NPAP1: variants seen among roughly 807,000 people sequenced by gnomAD.
NPAP1 encodes the protein nuclear pore associated protein 1, also known as nuclear pore-associated protein 1.
For synonymous variants in NPAP1, 616 were observed against 581.4 expected (o/e 1.06, Z -0.86); for missense variants, 1,483 against 1,454.5 (o/e 1.02, Z -0.32).
rs1164012118 is a variant in NPAP1 at position 24,676,071 on chromosome 15, T to G, written c.204T>G (p.Pro68=). Residue 68 remains proline (P), a synonymous_variant, in exon 1 of 1, where the codon CCT becomes CCG. Coordinates refer to ENST00000329468, the MANE Select transcript of NPAP1 (RefSeq NM_018958.3). The stretch of plus-strand genomic sequence containing the variant: ...CAGCAGCCAGCATCTTCGTCGCCCC[T>G]AAGAGGCCGTGTCCTCTCCCTCGGG... ...RPSAASIFVA[P]KRPCPLPRAA... 1 of 1,574,302 alleles carries G rather than the reference T, an allele frequency of 6.4e-7. No homozygotes were observed. The highest frequency in any genetic ancestry group is 1.4e-5 in the African/African-American group (1 of 72,982).
Position 24,676,639 on chromosome 15 carries a change from G to C in NPAP1, c.772G>C (p.Asp258His), listed in dbSNP as rs1210246444. 5.0e-6 allele frequency: 8 copies of C among 1,613,852 alleles called. No individual in the cohort carries two copies. The highest frequency in any genetic ancestry group is 2.7e-5 in the African/African-American group (2 of 74,938). ...CCGGCATCTTGGAAAGCCTGATCCG[G>C]ATGCAACAGCGCCCCCTGAGCCAGC... ...CARHLGKPDP[D>H]ATAPPEPAVG... Residue 258 changes from aspartate to histidine, a missense_variant, in exon 1 of 1, where the codon GAT becomes CAT. Transcript: ENST00000329468.
At position 24,677,671 on chromosome 15, in the gene NPAP1, A is replaced by G. The variant is rs370648489; in HGVS notation, c.1804A>G (p.Asn602Asp). ...AAGCTCCAGAGTGAGCTCTCTCCCA[A>G]ATTCCCAAATACATTGCAGTGCAGA... is the stretch of plus-strand genomic sequence containing the variant. Reference protein sequence around the residue: ...SLSSRVSSLPNSQIHCSAEQR... With the variant: ...SLSSRVSSLPDSQIHCSAEQR... The change falls in exon 1 of 1, where the codon AAT becomes GAT. Residue 602 changes from asparagine to aspartate, a missense_variant. By Grantham distance (23) the Asn-to-Asp change is conservative (BLOSUM62 1). Transcript: ENST00000329468. 49 of 1,614,110 alleles carry G rather than the reference A, an allele frequency of 3.0e-5. 2 individuals carry two copies. The Middle Eastern group carries it at 4.6e-3, about 152-fold the overall frequency.
In NPAP1 at chr15:24,680,177, G is replaced by T; in HGVS notation, c.*839G>T. The stretch of plus-strand genomic sequence containing the variant: ...CACCTGGCTATTTTTTATAATTTTA[G>T]CAGAGACAGAGTTCCACCTTATTGG... On this transcript the variant is annotated 3_prime_UTR_variant, in exon 1 of 1. Coordinates refer to ENST00000329468, the MANE Select transcript of NPAP1 (RefSeq NM_018958.3). 1 of 159,252 alleles carries T rather than the reference G, an allele frequency of 6.3e-6. No homozygotes were observed. Among genetic ancestry groups the T allele is most frequent in the Non-Finnish European group, 1.5e-5 (1 of 68,348 alleles). The allele number at this position is 159,252 out of a possible 1,614,324, so 9.9% of individuals were successfully genotyped here.
chr15:24,675,948 C>T lies in NPAP1; in HGVS notation c.81C>T (p.Pro27=). The part of the protein sequence containing the change: ...LPGPGRGAPA[P]LSRDASPPGR... Reference sequence around the variant, plus strand: ...GGCCAGGGCGTGGCGCCCCCGCTCCCCTGTCCCGGGACGCCTCCCCGCCCG... The same window carrying T: ...GGCCAGGGCGTGGCGCCCCCGCTCCTCTGTCCCGGGACGCCTCCCCGCCCG... The change falls in exon 1 of 1, where the codon CCC becomes CCT. Residue 27 remains proline, a synonymous_variant. Transcript: ENST00000329468. 6.3e-7 allele frequency: 1 copy of T among 1,590,822 alleles called. No individual in the cohort carries two copies. The highest frequency in any genetic ancestry group is 8.5e-7 in the Non-Finnish European group (1 of 1,170,654).
At position 24,677,467 on chromosome 15, in the gene NPAP1, C is replaced by G. The variant is rs1260044192; in HGVS notation, c.1600C>G (p.Pro534Ala). 6.2e-7 allele frequency: 1 copy of G among 1,614,178 alleles called. No homozygotes were observed. The highest frequency in any genetic ancestry group is 8.5e-7 in the Non-Finnish European group (1 of 1,180,040). ...TCCTCTTTCCTTCCTGACTCTTCTTCCAGTCCCTTCCACCGGGACCTCAGT... is the reference window on the plus strand; with the variant it reads ...TCCTCTTTCCTTCCTGACTCTTCTTGCAGTCCCTTCCACCGGGACCTCAGT... ...PPPLSFLTLL[P>A]VPSTGTSVIT... is the part of the protein sequence containing the mutation. The change falls in exon 1 of 1, where the codon CCA (proline) becomes GCA (alanine). Residue 534 changes from proline to alanine, a missense_variant. Coordinates refer to ENST00000329468, the MANE Select transcript of NPAP1 (RefSeq NM_018958.3).
rs3784246 is a variant in NPAP1, at chr15:24,676,502, T to C, written c.635T>C (p.Val212Ala). 0.08 allele frequency: 129,286 copies of C among 1,613,914 alleles called. 5,761 individuals are homozygous for C. The highest frequency in any genetic ancestry group is 0.16 in the Admixed American group (9,546 of 59,972). ...AGCCCTGGGCCTCTGGAGGGAAATG[T>C]CTACCACAAGTTCTCAGAAAACAGC... ...RCSPGPLEGN[V>A]YHKFSENSMS... The change falls in exon 1 of 1, where the codon GTC becomes GCC. Residue 212 changes from valine (V) to alanine (A), a missense_variant. Transcript: ENST00000329468.
chr15:24,675,864 C>G lies in NPAP1; in HGVS notation c.-4C>G. On this transcript the variant is annotated 5_prime_UTR_variant, in exon 1 of 1. Coordinates refer to ENST00000329468, the MANE Select transcript of NPAP1 (RefSeq NM_018958.3). ...TTTACGGTAGGAGGCACGGCTAGCTCTAAATGGGCAATTTACTTAGTAAAT... is the reference window on the plus strand; with the variant it reads ...TTTACGGTAGGAGGCACGGCTAGCTGTAAATGGGCAATTTACTTAGTAAAT... 6.5e-7 allele frequency: 1 copy of G among 1,547,788 alleles called. No homozygotes were observed. The highest frequency in any genetic ancestry group is 8.7e-7 in the Non-Finnish European group (1 of 1,151,238).
In NPAP1 at chr15:24,681,379, T is replaced by TGATA. The variant is rs139405338; in HGVS notation, c.*2061_*2064dup. On this transcript the variant is annotated 3_prime_UTR_variant, in exon 1 of 1. Coordinates refer to ENST00000329468, the MANE Select transcript of NPAP1 (RefSeq NM_018958.3). ...TGGATAGACGGATGGATAGATTAGA[T>TGATA]GATAGATAGATAGATAGATAGATGA... 0.025 allele frequency: 4,162 copies of TGATA among 165,220 alleles called. 179 individuals carry two copies. Among genetic ancestry groups the TGATA allele is most frequent in the African/African-American group, 0.093 (3,827 of 41,338 alleles). 10.2% of individuals were successfully genotyped at this position (165,220 alleles called of 1,614,324 possible).
chr15:24,676,140 G>A lies in NPAP1; in HGVS notation c.273G>A (p.Gly91=), dbSNP rs2141307344. 2 of 1,575,300 alleles carry A rather than the reference G, an allele frequency of 1.3e-6. No homozygotes were observed. The highest frequency in any genetic ancestry group is 1.7e-6 in the Non-Finnish European group (2 of 1,162,888). The change falls in exon 1 of 1, where the codon GGG becomes GGA. Residue 91 remains glycine (G), a synonymous_variant. Coordinates refer to ENST00000329468, the MANE Select transcript of NPAP1 (RefSeq NM_018958.3). ...PLGVLPAVGW[G]LAIRKTPMLP... ...GGGTCCTGCCGGCTGTGGGTTGGGG[G>A]CTGGCCATCAGGAAGACACCCATGC...
chr15:24,678,197 C>G lies in NPAP1; in HGVS notation c.2330C>G (p.Pro777Arg). ...ACCCCTCAACCCAAATTTGGGGCCC[C>G]TGATGGGCCGCAGCAGAAAACCTCT... ...GATPQPKFGA[P>R]DGPQQKTSLP... Residue 777 changes from proline to arginine, a missense_variant, in exon 1 of 1, where the codon CCT becomes CGT. By Grantham distance (103) the Pro-to-Arg change is moderately radical (BLOSUM62 -2). Transcript: ENST00000329468. 3.1e-6 allele frequency: 5 copies of G among 1,613,646 alleles called. No homozygotes were observed. Among genetic ancestry groups the G allele is most frequent in the Non-Finnish European group, 4.2e-6 (5 of 1,179,948 alleles).
In NPAP1 at chr15:24,680,790, G is replaced by A. The variant is rs1400701597; in HGVS notation, c.*1452G>A. ...TCATGGACAGAAAGGCAAAATTCCCGACTTTGTGGACCCTATATTCTAGTT... is the reference window on the plus strand; with the variant it reads ...TCATGGACAGAAAGGCAAAATTCCCAACTTTGTGGACCCTATATTCTAGTT... On this transcript the variant is annotated 3_prime_UTR_variant, in exon 1 of 1. Coordinates refer to ENST00000329468, the MANE Select transcript of NPAP1 (RefSeq NM_018958.3). 5 of 167,020 alleles carry A rather than the reference G, an allele frequency of 3.0e-5. No homozygotes were observed. The East Asian group carries it at 5.8e-4, about 19-fold the overall frequency. The allele number at this position is 167,020 out of a possible 1,614,324, so 10.3% of individuals were successfully genotyped here.
At position 24,676,756 on chromosome 15, in the gene NPAP1, A is replaced by G. The variant is rs2141308722; in HGVS notation, c.889A>G (p.Met297Val). ...CTCCCTAGGCTTGCCGATTCCGCTG[A>G]TGTCCGGAAAGAGGATGCCTGATGA... ...PSSLGLPIPL[M>V]SGKRMPDEKP... Residue 297 changes from methionine to valine, a missense_variant, in exon 1 of 1, where the codon ATG becomes GTG. By Grantham distance (21) the Met-to-Val change is conservative. Transcript: ENST00000329468. The G allele has an allele frequency of 6.2e-7, 1 of 1,613,870 alleles. No homozygotes were observed. Among genetic ancestry groups the G allele is most frequent in the Non-Finnish European group, 8.5e-7 (1 of 1,180,026 alleles).
rs766109530 is a variant in NPAP1 at position 24,678,427 on chromosome 15, C to T, written c.2560C>T (p.Leu854Phe). Residue 854 changes from leucine (L) to phenylalanine (F), a missense_variant, in exon 1 of 1, where the codon CTT (leucine) becomes TTT (phenylalanine). Physicochemically the swap from Leu to Phe is conservative, Grantham distance 22. Coordinates refer to ENST00000329468, the MANE Select transcript of NPAP1 (RefSeq NM_018958.3). ...GGAGTACATCCGATTTTATATGGGG[C>T]TTCCTGGTTCTGGGAACACACTACA... The part of the protein sequence containing the change: ...KEEYIRFYMG[L>F]PGSGNTLHSD... The T allele has an allele frequency of 2.5e-6, 4 of 1,614,136 alleles. No homozygotes were observed. The highest frequency in any genetic ancestry group is 1.7e-5 in the Admixed American group (1 of 60,020).
Position 24,676,806 on chromosome 15 carries a change from G to A in NPAP1, c.939G>A (p.Arg313=), listed in dbSNP as rs1210950506. The stretch of plus-strand genomic sequence containing the variant: ...AGAAGCCTTTCTGTATTCCTCCAAG[G>A]AGCGCTGCTCCTCCCAGAGCTGCCC... The part of the protein sequence containing the change: ...PDEKPFCIPP[R]SAAPPRAARN... Residue 313 remains arginine (R), a synonymous_variant, in exon 1 of 1, where the codon AGG becomes AGA. Coordinates refer to ENST00000329468, the MANE Select transcript of NPAP1 (RefSeq NM_018958.3). 3.7e-6 allele frequency: 6 copies of A among 1,612,974 alleles called. No individual in the cohort carries two copies. The highest frequency in any genetic ancestry group is 5.1e-6 in the Non-Finnish European group (6 of 1,179,992).
rs2049027728 is a variant in NPAP1, at chr15:24,683,123, GTTTT to G, written c.*3787_*3790del. On this transcript the variant is annotated 3_prime_UTR_variant, in exon 1 of 1. Coordinates refer to ENST00000329468, the MANE Select transcript of NPAP1 (RefSeq NM_018958.3). Reference sequence around the variant, plus strand: ...CTGTTCCTCTTCCTTATTTAGAAGTGTTTTTACCTTTCTCAGCATTCCACAAGTT... The same window carrying G: ...CTGTTCCTCTTCCTTATTTAGAAGTGTACCTTTCTCAGCATTCCACAAGTT... 5.3e-6 allele frequency: 1 copy of G among 189,524 alleles called. No homozygotes were observed. 11.7% of individuals were successfully genotyped at this position (189,524 alleles called of 1,614,324 possible). A position where few individuals can be genotyped will look rare whatever the true frequency, so the allele number is the denominator to read the frequency against.
rs2141307175 is a variant in NPAP1 at position 24,676,057 on chromosome 15, A to T, written c.190A>T (p.Ile64Phe). The T allele has an allele frequency of 1.9e-6, 3 of 1,583,610 alleles. No homozygotes were observed. The highest frequency in any genetic ancestry group is 2.6e-6 in the Non-Finnish European group (3 of 1,167,686). The change falls in exon 1 of 1, where the codon ATC becomes TTC. Residue 64 changes from isoleucine (I) to phenylalanine (F), a missense_variant. Ile to Phe is a conservative substitution (Grantham distance 21, BLOSUM62 0). Coordinates refer to ENST00000329468, the MANE Select transcript of NPAP1 (RefSeq NM_018958.3). ...NARRRPSAAS[I>F]FVAPKRPCPL... ...CCGTCGCAGGCCTTCAGCAGCCAGC[A>T]TCTTCGTCGCCCCTAAGAGGCCGTG...
rs1046858139 is a variant in NPAP1, at chr15:24,680,371, A to C, written c.*1033A>C. 1.2e-5 allele frequency: 2 copies of C among 167,146 alleles called. No homozygotes were observed. Among genetic ancestry groups the C allele is most frequent in the Non-Finnish European group, 2.9e-5 (2 of 68,180 alleles). 10.4% of individuals were successfully genotyped at this position (167,146 alleles called of 1,614,324 possible). A position where few individuals can be genotyped will look rare whatever the true frequency, so the allele number is the denominator to read the frequency against. ...CAGAGCACCTGTGCCTGTGATGGAA[A>C]GCAGCCACTAGTGACACTTGTACCT... On this transcript the variant is annotated 3_prime_UTR_variant, in exon 1 of 1. Transcript: ENST00000329468.
In NPAP1 at chr15:24,676,910, G is replaced by T. The variant is rs1342031467; in HGVS notation, c.1043G>T (p.Arg348Leu). 2.5e-6 allele frequency: 4 copies of T among 1,613,678 alleles called. No individual in the cohort carries two copies. The highest frequency in any genetic ancestry group is 3.4e-6 in the Non-Finnish European group (4 of 1,180,016). ...LPPSLPLLWD[R>L]GELPPPAKLP... is the part of the protein sequence containing the mutation. ...CCTTCACTGCCATTGCTGTGGGATC[G>T]AGGTGAGCTTCCCCCACCTGCTAAG... The change falls in exon 1 of 1, where the codon CGA becomes CTA. Residue 348 changes from arginine (R) to leucine (L), a missense_variant. Physicochemically the swap from Arg to Leu is moderately radical, Grantham distance 102. Transcript: ENST00000329468.
rs1380472694 is a variant in NPAP1, at chr15:24,682,323, A to G, written c.*2985A>G. 6.0e-6 allele frequency: 1 copy of G among 167,008 alleles called. No individual in the cohort carries two copies. Among genetic ancestry groups the G allele is most frequent in the African/African-American group, 2.4e-5 (1 of 41,444 alleles). The allele number at this position is 167,008 out of a possible 1,614,324, so 10.3% of individuals were successfully genotyped here. On this transcript the variant is annotated 3_prime_UTR_variant, in exon 1 of 1. Transcript: ENST00000329468. ...AATCCAGTTTTCTTCTAATAGCCCT[A>G]TACCCTTGCAGTATTACCAGGGACA...
Sources: gnomAD v4.1 joint callset for allele counts on GRCh38, gnomAD v4.1.1 for gene constraint, MANE v1.5 for transcripts, NCBI Gene and HGNC (gene_info 2026-07-23, HGNC 2026-07-21) for gene names.